The following PCSK2 variants were observed in gnomAD, a reference collection of about 807,000 sequenced individuals.
PCSK2 encodes the protein proprotein convertase subtilisin/kexin type 2, also known as neuroendocrine convertase 2.
Under a neutral mutation model 69.7 loss-of-function variants are expected in PCSK2, and 14 were observed. The ratio of observed to expected loss-of-function variants is 0.20; its 90% CI spans 0.13 to 0.31. The LOEUF (loss-of-function observed/expected upper bound fraction) is 0.31, where lower values mean the gene tolerates loss of function less well. Among genes scored for constraint, PCSK2 ranks in the 10% least tolerant of loss-of-function variants. The pLI, the probability that PCSK2 is intolerant of heterozygous loss-of-function variation, is 1.00. For missense variants in PCSK2, 544 were observed against 842.5 expected, an observed-to-expected ratio of 0.65 and a Z score of 4.39; for synonymous variants, 307 against 320.7, an observed-to-expected ratio of 0.96 and a Z score of 0.46.
chr20:17,445,218 A>C lies in PCSK2; in HGVS notation c.885+8335A>C, dbSNP rs2032675459. ...ACACAGCATCTTATTTTGCTCTGAC[A>C]ACCAGAAGGGGAATTCGGGTGACGC... On this transcript the variant is annotated intron_variant, in intron 8 of 11. Transcript: ENST00000262545. Among the ~76,000 whole-genome samples, 3 of 152,190 alleles carry C rather than the reference A, an allele frequency of 2.0e-5. No individual in the cohort carries two copies. The South Asian group carries it at 6.2e-4, about 32-fold the overall frequency.
intron 2 of PCSK2, among the ~76,000 whole-genome samples, chr20:17,272,843 C>G (rs749321015): frequency 2.0e-5 from 3 of 152,106 alleles, no homozygotes; most frequent in Non-Finnish European, 4.4e-5. Flanking sequence ...TTAACTCCAA[C>G]ACTCTGAATC....
At chr20:17,376,232 C>T (rs2123243172) in intron 5 of PCSK2, among the ~76,000 whole-genome samples, 1 of 152,044 alleles carries the variant, frequency 6.6e-6, no homozygotes, top group South Asian at 2.1e-4. Flanking sequence ...ATCACCAAAC[C>T]TCAGCCAACC....
chr20:17,458,084 G>A (rs73898594), intron 10 of PCSK2, among the ~76,000 whole-genome samples: 1,988 of 152,252 alleles, frequency 0.013, 41 homozygotes, highest in African/African-American at 0.046. Flanking sequence ...TTGTTTTGAA[G>A]CAATGATCAT....
At chr20:17,386,325 A>T (rs1432329136) in intron 5 of PCSK2, among the ~76,000 whole-genome samples, 1 of 152,240 alleles carries the variant, frequency 6.6e-6, no homozygotes, top group Non-Finnish European at 1.5e-5. Flanking sequence ...ATAGCCAAGA[A>T]GTATAAGCAA....
At chr20:17,325,713 C>A (rs534735387) in intron 2 of PCSK2, among the ~76,000 whole-genome samples, 1 of 152,372 alleles carries the variant, frequency 6.6e-6, no homozygotes, top group East Asian at 1.9e-4. Context: ...GCTCCACGTG[C>A]CTCTCATCTT....
rs531283672 is a variant in PCSK2, at chr20:17,279,897, AAAC to A, written c.282+19558_282+19560del. Among the ~76,000 whole-genome samples, 587 of 152,308 alleles carry A rather than the reference AAAC, an allele frequency of 3.9e-3. 2 individuals are homozygous for A. The highest frequency in any genetic ancestry group is 0.014 in the African/African-American group (565 of 41,584). On this transcript the variant is annotated intron_variant, in intron 2 of 11. Transcript: ENST00000262545. ...AGTGTTGATTCAATAAGTGTTTTCA[AAAC>A]AACACTTTTTTATTTTTTTATTTTA...
chr20:17,475,826 A>G (rs913477928), intron 11 of PCSK2, among the ~76,000 whole-genome samples: 1 of 152,140 alleles, frequency 6.6e-6, no homozygotes, highest in Non-Finnish European at 1.5e-5. Flanking sequence ...AATGATTGCC[A>G]CTCAGTTACA....
At chr20:17,422,456 A>C (rs1370382246) in intron 6 of PCSK2, among the ~76,000 whole-genome samples, 1 of 152,244 alleles carries the variant, frequency 6.6e-6, no homozygotes, top group Non-Finnish European at 1.5e-5. Flanking sequence ...CTCAGGGATA[A>C]GAAGATGGAA....
chr20:17,421,806 GTAAAAAAAAAAAAAA>G (rs2032132802), intron 6 of PCSK2, among the ~76,000 whole-genome samples: 1 of 23,536 alleles, frequency 4.2e-5, no homozygotes, highest in African/African-American at 1.8e-4. Flanking sequence ...AGGAAGAGAG[GTAAAAAAAAAAAAAA>G]AAAAAAAAAA....
At chr20:17,394,660 A>G (rs574832629) in intron 5 of PCSK2, among the ~76,000 whole-genome samples, 4 of 152,352 alleles carry the variant, frequency 2.6e-5, no homozygotes, top group Admixed American at 6.5e-5. Flanking sequence ...TCTAGGGCAG[A>G]GTATTTCCTT....
At chr20:17,393,981 C>A (rs1207145961) in intron 5 of PCSK2, among the ~76,000 whole-genome samples, 1 of 152,172 alleles carries the variant, frequency 6.6e-6, no homozygotes, top group Non-Finnish European at 1.5e-5. Context: ...CTACCGAATT[C>A]CAAAGGCAAA....
intron 5 of PCSK2, among the ~76,000 whole-genome samples, chr20:17,398,500 G>T (rs1004657801): frequency 7.0e-6 from 1 of 142,224 alleles, no homozygotes; most frequent in African/African-American, 2.6e-5. Context: ...TTCTAGCCTG[G>T]GTTACAGAGT....
At position 17,275,084 on chromosome 20, in the gene PCSK2, C is replaced by CATAT. The variant is rs11474649; in HGVS notation, c.282+14766_282+14769dup. Among the ~76,000 whole-genome samples, 1,410 of 141,464 alleles carry CATAT rather than the reference C, an allele frequency of 1.0e-2. 9 individuals are homozygous for CATAT. The highest frequency in any genetic ancestry group is 0.026 in the East Asian group (121 of 4,744). The allele number at this position is 141,464 out of a possible 152,430, so 92.8% of individuals were successfully genotyped here. The stretch of plus-strand genomic sequence containing the variant: ...TCTTATTTTGTGCATATTATTTATA[C>CATAT]ATATATATATATATATATATATATA... On this transcript the variant is annotated intron_variant, in intron 2 of 11. Transcript: ENST00000262545.
rs767637854 is a variant in PCSK2, at chr20:17,348,046, GAAAGGAAAGAAA to G, written c.283-10280_283-10269del. Among the ~76,000 whole-genome samples the G allele has an allele frequency of 7.3e-3, 317 of 43,582 alleles. 1 individual carries two copies. The highest frequency in any genetic ancestry group is 0.013 in the African/African-American group (189 of 14,340). 28.6% of individuals were successfully genotyped at this position (43,582 alleles called of 152,430 possible). A position where few individuals can be genotyped will look rare whatever the true frequency, so the allele number is the denominator to read the frequency against. ...GAGAAAGAAAGAAGAAAGAAAGAAA[GAAAGGAAAGAAA>G]GAAAGAAAGAAAGAAAGAAAGAAAG... On this transcript the variant is annotated intron_variant, in intron 2 of 11. Coordinates refer to ENST00000262545, the MANE Select transcript of PCSK2 (RefSeq NM_002594.5).
At chr20:17,437,585 G>A (rs1369380441) in intron 8 of PCSK2, among the ~76,000 whole-genome samples, 2 of 152,324 alleles carry the variant, frequency 1.3e-5, no homozygotes, top group African/African-American at 4.8e-5. Flanking sequence ...AGCCTCGCCT[G>A]TAAAACGGTG....
chr20:17,383,647 T>TA (rs1036578055), intron 5 of PCSK2, among the ~76,000 whole-genome samples: 3 of 143,072 alleles, frequency 2.1e-5, no homozygotes, highest in East Asian at 1.9e-4. Flanking sequence ...TTTTGAAAAA[T>TA]AAAAAAAAGA....
intron 1 of PCSK2, among the ~76,000 whole-genome samples, chr20:17,227,754 A>G (rs1328500855): frequency 6.6e-6 from 1 of 152,188 alleles, no homozygotes; most frequent in African/African-American, 2.4e-5. Context: ...ACAGGATGCC[A>G]TGCTCCGGGG....
chr20:17,238,500 C>T (rs1986427252), intron 1 of PCSK2, among the ~76,000 whole-genome samples: 1 of 152,122 alleles, frequency 6.6e-6, no homozygotes, highest in Admixed American at 6.5e-5. Context: ...AGGGAAAGGG[C>T]ATCGAACACT....
intron 5 of PCSK2, among the ~76,000 whole-genome samples, chr20:17,403,516 T>C (rs961019539): frequency 1.9e-4 from 29 of 152,352 alleles, no homozygotes; most frequent in African/African-American, 6.7e-4. Context: ...TCCATACAGA[T>C]GAGCTTTGTT....
Sources: allele counts gnomAD v4.1 joint callset (sites outside exome capture counted in the v4.1 genomes callset), GRCh38; gene constraint gnomAD v4.1.1; transcripts MANE v1.5; gene names NCBI Gene and HGNC (gene_info 2026-07-23, HGNC 2026-07-21).